The following SLC25A48 variants were observed in gnomAD, a reference collection of about 807,000 sequenced individuals.
SLC25A48 encodes the protein solute carrier family 25 member 48.
In SLC25A48, 29 loss-of-function variants were observed where a neutral mutation model predicts 32.2. The ratio of observed to expected loss-of-function variants is 0.90; its 90% CI spans 0.67 to 1.23. The LOEUF is 1.23. SLC25A48 is among the 50% of genes most tolerant of loss of function. The pLI, the probability that SLC25A48 is intolerant of heterozygous loss-of-function variation, is 0.00. For synonymous variants in SLC25A48, 164 were observed against 172.3 expected (o/e 0.95, Z 0.38); for missense variants, 399 against 422.7 (o/e 0.94, Z 0.49).
chr5:135,855,215 C>T (rs1445918966), intron 4 of SLC25A48, among the ~76,000 whole-genome samples: 1 of 152,192 alleles, frequency 6.6e-6, no homozygotes, highest in Non-Finnish European at 1.5e-5. Context: ...TGAGCACATA[C>T]TGTTAGACAA....
intron 3 of SLC25A48, among the ~76,000 whole-genome samples, chr5:135,725,891 A>AT (rs1463674723): frequency 6.6e-6 from 1 of 151,798 alleles, no homozygotes; most frequent in Admixed American, 6.6e-5. Flanking sequence ...CAAAAAAAAA[A>AT]ACTCCACTGT....
At chr5:135,673,621 C>A (rs1753703643) in intron 3 of SLC25A48, among the ~76,000 whole-genome samples, 1 of 151,962 alleles carries the variant, frequency 6.6e-6, no homozygotes, top group Non-Finnish European at 1.5e-5. Context: ...GGTACAAGTT[C>A]TTTGTCAGAT....
At chr5:135,626,447 A>T (rs1003271808) in intron 1 of SLC25A48, among the ~76,000 whole-genome samples, 1 of 152,218 alleles carries the variant, frequency 6.6e-6, no homozygotes, top group African/African-American at 2.4e-5. Flanking sequence ...ATATTAGAAC[A>T]TTGAGCCCTC....
At chr5:135,682,094 C>G (rs1190383131) in intron 3 of SLC25A48, among the ~76,000 whole-genome samples, 1 of 152,182 alleles carries the variant, frequency 6.6e-6, no homozygotes, top group African/African-American at 2.4e-5. Context: ...TCCTAGCTGC[C>G]TTTGCCTCCC....
intron 4 of SLC25A48, among the ~76,000 whole-genome samples, chr5:135,855,594 A>G (rs565829847): frequency 1.4e-4 from 21 of 152,336 alleles, no homozygotes; most frequent in African/African-American, 4.6e-4. Context: ...GCAGGCAAAT[A>G]TTGCAGTACC....
chr5:135,856,764 T>A (rs1312094512), intron 4 of SLC25A48, among the ~76,000 whole-genome samples: 1 of 152,222 alleles, frequency 6.6e-6, no homozygotes, highest in East Asian at 1.9e-4. Context: ...ACTTTGCTGA[T>A]CTGTCCCATC....
intron 3 of SLC25A48, among the ~76,000 whole-genome samples, chr5:135,639,732 A>G (rs910657597): frequency 1.3e-5 from 2 of 152,200 alleles, no homozygotes; most frequent in African/African-American, 4.8e-5. Context: ...GGAAAAAGAA[A>G]CAAAACCCAA....
chr5:135,613,329 G>T, intron 1 of SLC25A48, among the ~76,000 whole-genome samples: 1 of 152,044 alleles, frequency 6.6e-6, no homozygotes, highest in East Asian at 1.9e-4. Flanking sequence ...GTAGACATTA[G>T]TCCTTTATTG....
At chr5:135,868,661 TAC>T (rs71819151) in intron 4 of SLC25A48, among the ~76,000 whole-genome samples, 7 of 126,394 alleles carry the variant, frequency 5.5e-5, no homozygotes, top group African/African-American at 1.7e-4. Context: ...TCTATGTGTA[TAC>T]ACACACACAC....
At chr5:135,865,889 T>A (rs1761164085) in intron 4 of SLC25A48, among the ~76,000 whole-genome samples, 1 of 152,206 alleles carries the variant, frequency 6.6e-6, no homozygotes, top group Admixed American at 6.5e-5. Flanking sequence ...CTACTATGGA[T>A]TACTAATATG....
chr5:135,850,763 G>A (rs1213507122), intron 3 of SLC25A48, among the ~76,000 whole-genome samples: 1 of 152,222 alleles, frequency 6.6e-6, no homozygotes, highest in Non-Finnish European at 1.5e-5. Context: ...TGGAGCTGCA[G>A]TGTGGAAAAT....
At chr5:135,826,642 T>C (rs1362712932) in intron 4 of SLC25A48, 1 of 152,190 alleles carries the variant, frequency 6.6e-6, no homozygotes, top group Non-Finnish European at 1.5e-5. Flanking sequence ...ACTAGGCACT[T>C]TACAGAGATC....
intron 4 of SLC25A48, among the ~76,000 whole-genome samples, chr5:135,862,514 TA>T (rs946392907): frequency 2.6e-5 from 4 of 152,176 alleles, no homozygotes; most frequent in Admixed American, 1.3e-4. Flanking sequence ...ACACAGTGGG[TA>T]AAGAAGCGCT....
intron 1 of SLC25A48, among the ~76,000 whole-genome samples, chr5:135,601,367 A>G (rs1751792119): frequency 6.6e-6 from 1 of 152,124 alleles, no homozygotes; most frequent in Non-Finnish European, 1.5e-5. Context: ...GGCTCTTCCC[A>G]CAGGTACCTC....
chr5:135,767,956 CG>C (rs575692465), intron 3 of SLC25A48, among the ~76,000 whole-genome samples: 22 of 126,978 alleles, frequency 1.7e-4, no homozygotes, highest in East Asian at 4.4e-4. Context: ...TTGTAATATC[CG>C]GGGGGGGGAG....
intron 3 of SLC25A48, among the ~76,000 whole-genome samples, chr5:135,716,080 C>T (rs889025566): frequency 6.6e-6 from 1 of 152,204 alleles, no homozygotes; most frequent in Admixed American, 6.5e-5. Flanking sequence ...AGCTTGGACC[C>T]CTTGTCACCT....
chr5:135,618,329 C>T (rs6596248), intron 1 of SLC25A48, among the ~76,000 whole-genome samples: 54,774 of 151,736 alleles, frequency 0.36, 9,864 homozygotes, highest in Middle Eastern at 0.39. Context: ...GAGTTTTTAG[C>T]AGGCAGAAAA....
At chr5:135,742,520 C>T (rs1375151415) in intron 3 of SLC25A48, 3 of 1,538,560 alleles carry the variant, frequency 1.9e-6, no homozygotes, top group African/African-American at 1.4e-5. Flanking sequence ...TTTCCCAACA[C>T]TGCCTTTCCC....
intron 3 of SLC25A48, among the ~76,000 whole-genome samples, chr5:135,713,263 T>A (rs1754713584): frequency 1.3e-5 from 2 of 152,228 alleles, no homozygotes. Flanking sequence ...ATATATATTT[T>A]GCTCTTTTCA....
Sources: allele counts gnomAD v4.1 joint callset (sites outside exome capture counted in the v4.1 genomes callset), GRCh38; gene constraint gnomAD v4.1.1; transcripts MANE v1.5; gene names NCBI Gene and HGNC (gene_info 2026-07-23, HGNC 2026-07-21).